Variants in PAOX observed in about 807,000 individuals in gnomAD.
PAOX encodes polyamine oxidase, also known as peroxisomal N(1)-acetyl-spermine/spermidine oxidase.
PAOX carries 38 observed loss-of-function variants against 39.0 expected under a neutral mutation model. The observed-to-expected ratio is 0.97, with a 90% CI of 0.75 to 1.28. PAOX has a LOEUF of 1.28. Among genes scored for constraint, PAOX ranks in the 50% most tolerant of loss-of-function variants. PAOX has a pLI of 0.00. For synonymous variants in PAOX, 311 were observed against 314.4 expected (o/e 0.99, Z 0.11); for missense variants, 667 against 685.7 (o/e 0.97, Z 0.30).
At chr10:133,379,653 C>G (rs995442709) in intron 1 of PAOX, 156 bp downstream of exon 1, 19 of 664,418 alleles carry the variant, frequency 2.9e-5, no homozygotes, top group Non-Finnish European at 4.1e-5. Flanking sequence ...TTCACCGCCC[C>G]GAAACTCAGG....
intron 1 of PAOX, 107 bp downstream of exon 1, chr10:133,379,604 G>C: frequency 6.5e-6 from 6 of 924,330 alleles, no homozygotes; most frequent in Non-Finnish European, 8.5e-6. Flanking sequence ...GCCTCACCGG[G>C]CTCCCCGAGG....
At chr10:133,382,579 C>T (rs1446535651) in intron 3 of PAOX, among the ~76,000 whole-genome samples, 3 of 152,062 alleles carry the variant, frequency 2.0e-5, no homozygotes, top group Non-Finnish European at 4.4e-5. Flanking sequence ...GTCAGGAGTT[C>T]GAGACCAGCC....
At chr10:133,381,076 C>T (rs534618750) in intron 2 of PAOX, among the ~76,000 whole-genome samples, 1 of 152,382 alleles carries the variant, frequency 6.6e-6, no homozygotes, top group African/African-American at 2.4e-5. Context: ...CTCCCTGTGG[C>T]AGGGTGGCTG....
chr10:133,387,343 C>T (rs1849554815), intron 4 of PAOX, among the ~76,000 whole-genome samples: 1 of 152,070 alleles, frequency 6.6e-6, no homozygotes, highest in African/African-American at 2.4e-5. Flanking sequence ...TTTCATTATA[C>T]AATATAAAAA....
intron 1 of PAOX, 138 bp from the exon 2 acceptor site, chr10:133,379,860 CT>C: frequency 8.5e-7 from 1 of 1,181,486 alleles, no homozygotes; most frequent in African/African-American, 1.5e-5. Context: ...GGGCCCTGCC[CT>C]GGGGGACCAC....
In PAOX at chr10:133,389,741, C is replaced by T. The variant is rs769136556; in HGVS notation, c.1386C>T (p.Gly462=). The T allele has an allele frequency of 1.9e-5, 29 of 1,538,340 alleles. No individual in the cohort carries two copies. The highest frequency in any genetic ancestry group is 2.4e-5 in the East Asian group (1 of 41,606). ...LAQPLPADGA[G]AQLQILFAGE... ...AGCCCCTCCCTGCAGACGGCGCCGG[C>T]GCCCAGGTATGTGGCGTGCCCCAGT... The change falls in exon 6 of 7, where the codon GGC becomes GGT. Residue 462 remains glycine (G), a synonymous_variant. Coordinates refer to ENST00000278060, the MANE Select transcript of PAOX (RefSeq NM_152911.4).
At chr10:133,379,916 G>T in intron 1 of PAOX, 83 bp from the exon 2 acceptor site, 1 of 1,481,468 alleles carries the variant, frequency 6.8e-7, no homozygotes. Flanking sequence ...GGGAAGGCCA[G>T]CGTGGGCGTG....
chr10:133,386,211 G>C (rs541216300), intron 4 of PAOX, among the ~76,000 whole-genome samples: 2 of 151,908 alleles, frequency 1.3e-5, no homozygotes, highest in East Asian at 3.9e-4. Flanking sequence ...TTTTAGTAGA[G>C]ACAGGGTTTT....
chr10:133,385,087 G>A (rs547961453), intron 4 of PAOX, among the ~76,000 whole-genome samples: 2 of 152,302 alleles, frequency 1.3e-5, no homozygotes, highest in East Asian at 3.9e-4. Flanking sequence ...CCTGAGGTCA[G>A]GAGTTCGAGA....
chr10:133,391,070 G>A (rs1224699661), intron 6 of PAOX: 4 of 697,832 alleles, frequency 5.7e-6, no homozygotes, highest in Non-Finnish European at 1.0e-5. Flanking sequence ...ATGCGTGTGA[G>A]CCGTTTTCCT....
intron 4 of PAOX, among the ~76,000 whole-genome samples, chr10:133,385,534 G>A (rs1849506517): frequency 6.6e-6 from 1 of 152,194 alleles, no homozygotes; most frequent in South Asian, 2.1e-4. Context: ...GGATCTCAAA[G>A]AGCTTTTGTT....
Position 133,381,667 on chromosome 10 carries a change from A to G in PAOX, c.868+8A>G. On this transcript the variant is annotated splice_region_variant and intron_variant, in intron 3 of 6. Transcript: ENST00000278060. ...TCGTCACCGTGCCCTTAGGTAGGTC[A>G]GGTTTTCAGCCCAAACCCCCATCCC... 1 of 1,612,558 alleles carries G rather than the reference A, an allele frequency of 6.2e-7. No individual in the cohort carries two copies. The highest frequency in any genetic ancestry group is 8.5e-7 in the Non-Finnish European group (1 of 1,179,828).
Position 133,379,286 on chromosome 10 carries a change from T to G in PAOX, c.-31T>G. The G allele has an allele frequency of 8.3e-7, 1 of 1,207,074 alleles. No individual in the cohort carries two copies. Among genetic ancestry groups the G allele is most frequent in the Non-Finnish European group, 1.0e-6 (1 of 973,560 alleles). 74.8% of individuals were successfully genotyped at this position (1,207,074 alleles called of 1,614,324 possible). ...CGAGAGCTCCAGACCTCCCGGCTACTCAGAAGCCCTCGGACTGCCCGGACC... is the reference window on the plus strand; with the variant it reads ...CGAGAGCTCCAGACCTCCCGGCTACGCAGAAGCCCTCGGACTGCCCGGACC... On this transcript the variant is annotated 5_prime_UTR_variant, in exon 1 of 7. Coordinates refer to ENST00000278060, the MANE Select transcript of PAOX (RefSeq NM_152911.4).
At chr10:133,388,011 C>CT (rs1849572759) in intron 4 of PAOX, among the ~76,000 whole-genome samples, 1 of 152,218 alleles carries the variant, frequency 6.6e-6, no homozygotes, top group Non-Finnish European at 1.5e-5. Context: ...GCCACTGTGC[C>CT]TGGCCCTCCA....
At position 133,381,498 on chromosome 10, in the gene PAOX, T is replaced by A; in HGVS notation, c.707T>A (p.Leu236Gln). ...CTCACAAACTGCATGATGGCCGCCC[T>A]GCCGGAGGACACTGTAGTTTTTGAG... ...QGLTNCMMAA[L>Q]PEDTVVFEKP... Residue 236 changes from leucine (L) to glutamine (Q), a missense_variant, in exon 3 of 7, where the codon CTG becomes CAG. Leu to Gln is a moderately radical substitution (Grantham distance 113). Transcript: ENST00000278060. 2 of 1,613,754 alleles carry A rather than the reference T, an allele frequency of 1.2e-6. No individual in the cohort carries two copies. The highest frequency in any genetic ancestry group is 1.7e-6 in the Non-Finnish European group (2 of 1,180,030).
At chr10:133,380,598 C>A in intron 2 of PAOX, 113 bp downstream of exon 2, 1 of 1,363,734 alleles carries the variant, frequency 7.3e-7, no homozygotes, top group Non-Finnish European at 9.7e-7. Flanking sequence ...ACCATTTGTC[C>A]TCCCCATTCC....
At chr10:133,391,273 G>A in intron 6 of PAOX, 39 bp from the exon 7 acceptor site, 1 of 1,594,476 alleles carries the variant, frequency 6.3e-7, no homozygotes, top group Non-Finnish European at 8.6e-7. Context: ...CCTGCTGTCT[G>A]AATTGCATCC....
Position 133,389,759 on chromosome 10 carries a change from G to T in PAOX, c.1392+12G>T. Reference sequence around the variant, plus strand: ...GCGCCGGCGCCCAGGTATGTGGCGTGCCCCAGTCGGGGGGCGTGGGTCCCG... The same window carrying T: ...GCGCCGGCGCCCAGGTATGTGGCGTTCCCCAGTCGGGGGGCGTGGGTCCCG... On this transcript the variant is annotated intron_variant, in intron 6 of 6. Transcript: ENST00000278060. The T allele has an allele frequency of 6.8e-7, 1 of 1,477,552 alleles. No homozygotes were observed. Among genetic ancestry groups the T allele is most frequent in the South Asian group, 1.3e-5 (1 of 75,454 alleles). 91.5% of individuals were successfully genotyped at this position (1,477,552 alleles called of 1,614,324 possible).
chr10:133,391,066 G>A (rs1306385344), intron 6 of PAOX: 2 of 698,006 alleles, frequency 2.9e-6, no homozygotes, highest in East Asian at 2.7e-5. Flanking sequence ...GTGGATGCGT[G>A]TGAGCCGTTT....
Sources: gnomAD v4.1 joint callset for allele counts (sites outside exome capture counted in the v4.1 genomes callset) on GRCh38, gnomAD v4.1.1 for gene constraint, MANE v1.5 for transcripts, NCBI Gene and HGNC (gene_info 2026-07-23, HGNC 2026-07-21) for gene names.